The following TAF2 variants were observed in gnomAD, a reference collection of about 807,000 sequenced individuals.
TAF2 encodes TATA-box binding protein associated factor 2.
TAF2 carries 61 observed loss-of-function variants against 138.5 expected under a neutral mutation model. That is an observed-to-expected ratio of 0.44 (90% CI 0.36 to 0.54). The LOEUF (loss-of-function observed/expected upper bound fraction) is 0.54. Ranked by LOEUF, TAF2 falls within the 20% of genes least tolerant of loss-of-function variation. The probability of loss-of-function intolerance (pLI) is 0.00; values close to 1 mark genes in which losing one functional copy is unlikely to be tolerated. For missense variants in TAF2, 1,090 were observed against 1,427.9 expected (o/e 0.76, Z 3.81); for synonymous variants, 475 against 469.9 (o/e 1.01, Z -0.14).
At chr8:119,776,198 C>G (rs571459083) in intron 18 of TAF2, among the ~76,000 whole-genome samples, 1 of 152,026 alleles carries the variant, frequency 6.6e-6, no homozygotes, top group East Asian at 1.9e-4. Context: ...TATTAAACAA[C>G]GTCAAGAAAA....
intron 10 of TAF2, among the ~76,000 whole-genome samples, chr8:119,792,517 T>C (rs1019372582): frequency 1.3e-5 from 2 of 152,140 alleles, no homozygotes; most frequent in African/African-American, 4.8e-5. Flanking sequence ...CATTCTACAA[T>C]TCTGATTAGT....
At chr8:119,829,532 AGT>A (rs1249052439) in intron 2 of TAF2, among the ~76,000 whole-genome samples, 1 of 151,000 alleles carries the variant, frequency 6.6e-6, no homozygotes, top group African/African-American at 2.4e-5. Context: ...TGTGTGTGTG[AGT>A]GTGTGTGTAT....
intron 18 of TAF2, among the ~76,000 whole-genome samples, chr8:119,776,700 T>A (rs898617372): frequency 3.9e-5 from 6 of 152,020 alleles, no homozygotes; most frequent in African/African-American, 1.5e-4. Context: ...AAAAAAAGTT[T>A]CATCAATTTG....
At position 119,797,863 on chromosome 8, in the gene TAF2, A is replaced by G; in HGVS notation, c.793-17T>C. The stretch of plus-strand genomic sequence containing the variant: ...ATGAGTAACCTGAAAAGAAGAAGCA[A>G]GGAAGATCATCTAAATGAAAGAGTT... On this transcript the variant is annotated splice_polypyrimidine_tract_variant and intron_variant, in intron 6 of 25. Transcript: ENST00000378164. 1 of 1,612,722 alleles carries G rather than the reference A, an allele frequency of 6.2e-7. No individual in the cohort carries two copies. The highest frequency in any genetic ancestry group is 8.5e-7 in the Non-Finnish European group (1 of 1,179,152).
At chr8:119,736,781 T>C (rs1391904261) in intron 25 of TAF2, among the ~76,000 whole-genome samples, 2 of 152,210 alleles carry the variant, frequency 1.3e-5, no homozygotes, top group Non-Finnish European at 2.9e-5. Context: ...AGACATTGTA[T>C]GCTTCCAGAC....
In TAF2 at chr8:119,831,305, T is replaced by G. The variant is rs533605678; in HGVS notation, c.138+372A>C. Among the ~76,000 whole-genome samples the G allele has an allele frequency of 3.9e-5, 6 of 152,284 alleles. No homozygotes were observed. The South Asian group carries it at 8.3e-4, about 21-fold the overall frequency. ...TCAGTCAAGAAGCAAAAATGGCCTC[T>G]TAGAAGCCAAGTCAGTGAGTGTATT... On this transcript the variant is annotated intron_variant, in intron 2 of 25. Transcript: ENST00000378164.
chr8:119,791,973 G>A lies in TAF2; in HGVS notation c.1278-514C>T, dbSNP rs147455430. ...AAAAATTAAAACATTTTGACACAAT[G>A]AAAAGGATCATAAGTAAATTTAGAG... On this transcript the variant is annotated intron_variant, in intron 10 of 25. Coordinates refer to ENST00000378164, the MANE Select transcript of TAF2 (RefSeq NM_003184.4). The A allele has an allele frequency of 3.0e-3, 464 of 152,850 alleles. 10 individuals are homozygous for A. The highest frequency in any genetic ancestry group is 0.016 in the Admixed American group (243 of 15,354). The allele number at this position is 152,850 out of a possible 1,614,324, so 9.5% of individuals were successfully genotyped here. A position where few individuals can be genotyped will look rare whatever the true frequency, so the allele number is the denominator to read the frequency against.
rs80338571 is a variant in TAF2, at chr8:119,741,890, A to G, written c.3337+644T>C. On this transcript the variant is annotated intron_variant, in intron 25 of 25. Transcript: ENST00000378164. Reference sequence around the variant, plus strand: ...GTTTCACGGTAGTTCATCAGCATCAAATGTTTGCACTTCATTTGGATTATA... The same window carrying G: ...GTTTCACGGTAGTTCATCAGCATCAGATGTTTGCACTTCATTTGGATTATA... 6.0e-3 allele frequency among the ~76,000 whole-genome samples: 916 copies of G among 152,352 alleles called. 3 individuals carry two copies. The highest frequency in any genetic ancestry group is 9.0e-3 in the Non-Finnish European group (610 of 68,036).
intron 3 of TAF2, among the ~76,000 whole-genome samples, chr8:119,815,883 T>C (rs894927152): frequency 2.0e-5 from 3 of 152,176 alleles, no homozygotes; most frequent in Admixed American, 2.0e-4. Flanking sequence ...CTTATACACG[T>C]TACATAACCA....
chr8:119,792,152 T>C (rs1586449660), intron 10 of TAF2, among the ~76,000 whole-genome samples: 2 of 145,338 alleles, frequency 1.4e-5, no homozygotes, highest in African/African-American at 5.0e-5. Flanking sequence ...TTTCTTTCTT[T>C]TTTTTTTTTT....
At chr8:119,815,712 A>G (rs1477387285) in intron 3 of TAF2, among the ~76,000 whole-genome samples, 1 of 152,236 alleles carries the variant, frequency 6.6e-6, no homozygotes, top group African/African-American at 2.4e-5. Context: ...TTTTTCTAAG[A>G]AAAGAGAAGT....
intron 10 of TAF2, 105 bp downstream of exon 10, chr8:119,793,261 G>T: frequency 2.1e-6 from 2 of 966,376 alleles, no homozygotes; most frequent in South Asian, 1.5e-5. Context: ...TAAGAAAAAG[G>T]TTAAATAAAT....
rs1256746229 is a variant in TAF2, at chr8:119,832,599, C to A, written c.-35G>T. On this transcript the variant is annotated 5_prime_UTR_variant, in exon 1 of 26. It adds an upstream start codon to the 5' untranslated region. Coordinates refer to ENST00000378164, the MANE Select transcript of TAF2 (RefSeq NM_003184.4). ...CCGCGGAGCTTGGCTTCCCGGCTTC[C>A]TAGGGGGATACGGGGCATTACTAGT... 5.0e-6 allele frequency: 8 copies of A among 1,601,214 alleles called. No individual in the cohort carries two copies. Among genetic ancestry groups the A allele is most frequent in the Non-Finnish European group, 6.0e-6 (7 of 1,172,348 alleles).
At chr8:119,818,140 A>G (rs528790341) in intron 3 of TAF2, among the ~76,000 whole-genome samples, 2 of 152,216 alleles carry the variant, frequency 1.3e-5, no homozygotes, top group Non-Finnish European at 2.9e-5. Context: ...AAACTTTGCA[A>G]TTGCTTATGG....
chr8:119,759,223 T>C (rs1158019107), intron 20 of TAF2, among the ~76,000 whole-genome samples: 1 of 152,134 alleles, frequency 6.6e-6, no homozygotes, highest in Non-Finnish European at 1.5e-5. Flanking sequence ...GGAAAGGATA[T>C]TTTAACCTTC....
At chr8:119,797,605 A>T in intron 7 of TAF2, 57 bp downstream of exon 7, 2 of 1,548,278 alleles carry the variant, frequency 1.3e-6, no homozygotes, top group Non-Finnish European at 1.8e-6. Context: ...AAAATCAGTA[A>T]ATTTTCTTCA....
chr8:119,796,868 T>A, intron 8 of TAF2, 122 bp downstream of exon 8: 1 of 721,048 alleles, frequency 1.4e-6, no homozygotes, highest in South Asian at 1.6e-5. Context: ...TAAATACATA[T>A]AGAACAGTGT....
At position 119,801,650 on chromosome 8, in the gene TAF2, G is replaced by T. The variant is rs559126497; in HGVS notation, c.792+144C>A. On this transcript the variant is annotated intron_variant, in intron 6 of 25. Transcript: ENST00000378164. The stretch of plus-strand genomic sequence containing the variant: ...TTACTGTGTTAGCCAGGATGGTCTC[G>T]ATCTCCTGACCCTGTGATCCGCCCA... 4 of 757,216 alleles carry T rather than the reference G, an allele frequency of 5.3e-6. No homozygotes were observed. In the East Asian group the frequency reaches 8.0e-5, roughly 15 times the overall value. The allele number at this position is 757,216 out of a possible 1,614,324, so 46.9% of individuals were successfully genotyped here. A position where few individuals can be genotyped will look rare whatever the true frequency, so the allele number is the denominator to read the frequency against.
intron 7 of TAF2, among the ~76,000 whole-genome samples, chr8:119,797,324 TATCAGTAC>T (rs1823898310): frequency 6.6e-6 from 1 of 152,080 alleles, no homozygotes; most frequent in African/African-American, 2.4e-5. Flanking sequence ...TTTCTGACAA[TATCAGTAC>T]ATTTTTAAAT....
Sources: allele counts gnomAD v4.1 joint callset (sites outside exome capture counted in the v4.1 genomes callset), GRCh38; gene constraint gnomAD v4.1.1; transcripts MANE v1.5; gene names NCBI Gene and HGNC (gene_info 2026-07-23, HGNC 2026-07-21).